Variants in GLI2 observed in about 807,000 individuals in gnomAD.
GLI2 encodes the protein transcription activator GLI2.
In GLI2, 22 loss-of-function variants were observed where a neutral mutation model predicts 78.9. The observed-to-expected ratio is 0.28, with a 90% CI of 0.20 to 0.40. The LOEUF (loss-of-function observed/expected upper bound fraction) is 0.40. Among genes scored for constraint, GLI2 ranks in the 10% least tolerant of loss-of-function variants. The pLI, the probability that GLI2 is intolerant of heterozygous loss-of-function variation, is 1.00. For missense variants in GLI2, 2,097 were observed against 2,213.2 expected (o/e 0.95, Z 1.05); for synonymous variants, 974 against 963.7 (o/e 1.01, Z -0.20).
At chr2:120,826,182 G>A (rs997960356) in intron 2 of GLI2, among the ~76,000 whole-genome samples, 1 of 152,214 alleles carries the variant, frequency 6.6e-6, no homozygotes, top group Non-Finnish European at 1.5e-5. Context: ...AACTTAGCAA[G>A]TTCAGCATGG....
intron 2 of GLI2, among the ~76,000 whole-genome samples, chr2:120,902,848 G>T (rs1678334949): frequency 6.6e-6 from 1 of 152,220 alleles, no homozygotes; most frequent in African/African-American, 2.4e-5. Flanking sequence ...GGCTTCTTTA[G>T]GCTCCCAAGG....
chr2:120,840,230 CCG>C (rs1415776605), intron 2 of GLI2, among the ~76,000 whole-genome samples: 3 of 152,196 alleles, frequency 2.0e-5, no homozygotes, highest in African/African-American at 4.8e-5. Flanking sequence ...ATGCCTTTCC[CCG>C]CTTCTGTCCA....
At chr2:120,840,606 C>T (rs6759203) in intron 2 of GLI2, among the ~76,000 whole-genome samples, 1,682 of 152,282 alleles carry the variant, frequency 0.011, 22 homozygotes, top group African/African-American at 0.038. Flanking sequence ...CACATGGGGA[C>T]TATAAATTTG....
Position 120,951,226 on chromosome 2 carries a change from G to T in GLI2, c.255-17G>T, listed in dbSNP as rs199499256. The T allele has an allele frequency of 3.5e-3, 5,155 of 1,484,436 alleles. 14 individuals carry two copies. Among genetic ancestry groups the T allele is most frequent in the Non-Finnish European group, 4.5e-3 (4,804 of 1,061,874 alleles). The allele number at this position is 1,484,436 out of a possible 1,614,324, so 92.0% of individuals were successfully genotyped here. A position where few individuals can be genotyped will look rare whatever the true frequency, so the allele number is the denominator to read the frequency against. Reference sequence around the variant, plus strand: ...TCTGTGTCCTCCTTCTTAGACGGCTGCCCATTGTCTCTGCAGGCCCCCTGC... The same window carrying T: ...TCTGTGTCCTCCTTCTTAGACGGCTTCCCATTGTCTCTGCAGGCCCCCTGC... On this transcript the variant is annotated splice_polypyrimidine_tract_variant and intron_variant, in intron 3 of 13. Coordinates refer to ENST00000361492, the MANE Select transcript of GLI2 (RefSeq NM_001374353.1).
At chr2:120,741,485 G>A (rs889378253) in intron 1 of GLI2, among the ~76,000 whole-genome samples, 2 of 137,586 alleles carry the variant, frequency 1.5e-5, no homozygotes, top group African/African-American at 5.6e-5. Flanking sequence ...CTCCCTCTCC[G>A]TTCTCTCTCC....
intron 8 of GLI2, among the ~76,000 whole-genome samples, chr2:120,974,117 G>A (rs1411809231): frequency 1.3e-5 from 2 of 152,112 alleles, no homozygotes; most frequent in Non-Finnish European, 2.9e-5. Flanking sequence ...AGCAATCTTG[G>A]TAACATCTGC....
chr2:120,965,945 T>C (rs1681832762), intron 5 of GLI2, among the ~76,000 whole-genome samples: 1 of 152,216 alleles, frequency 6.6e-6, no homozygotes, highest in Non-Finnish European at 1.5e-5. Flanking sequence ...CAGAAGCAAC[T>C]ATGGACCGTC....
At chr2:120,763,563 C>G (rs1683279483) in intron 1 of GLI2, among the ~76,000 whole-genome samples, 1 of 152,226 alleles carries the variant, frequency 6.6e-6, no homozygotes, top group African/African-American at 2.4e-5. Context: ...GGGCTCACTG[C>G]TGTCTGGCCC....
At chr2:120,934,877 T>C (rs1216151228) in intron 3 of GLI2, among the ~76,000 whole-genome samples, 1 of 152,144 alleles carries the variant, frequency 6.6e-6, no homozygotes, top group Non-Finnish European at 1.5e-5. Context: ...CCAAGGTCAG[T>C]GTCCCATAAA....
chr2:120,970,110 G>C (rs1372893625), intron 6 of GLI2, among the ~76,000 whole-genome samples: 26 of 152,174 alleles, frequency 1.7e-4, no homozygotes, highest in Non-Finnish European at 2.9e-4. Context: ...GCAGTGGAGA[G>C]GCCAGGGTGT....
chr2:120,836,927 T>C (rs374116966), intron 2 of GLI2, among the ~76,000 whole-genome samples: 1 of 152,170 alleles, frequency 6.6e-6, no homozygotes, highest in African/African-American at 2.4e-5. Flanking sequence ...TAGACTGGAA[T>C]TTTTTCCAGT....
chr2:120,853,138 A>G (rs982627754), intron 2 of GLI2, among the ~76,000 whole-genome samples: 3 of 152,088 alleles, frequency 2.0e-5, no homozygotes, highest in Non-Finnish European at 4.4e-5. Flanking sequence ...GGTCTTTGGC[A>G]AAGGCTTTCT....
chr2:120,861,410 C>G (rs1437414887), intron 2 of GLI2, among the ~76,000 whole-genome samples: 3 of 152,226 alleles, frequency 2.0e-5, no homozygotes, highest in African/African-American at 2.4e-5. Flanking sequence ...CCTGCTGCCC[C>G]TGTGATTCAG....
intron 3 of GLI2, among the ~76,000 whole-genome samples, chr2:120,931,710 C>T (rs552520247): frequency 7.2e-5 from 11 of 152,290 alleles, no homozygotes; most frequent in African/African-American, 2.4e-4. Flanking sequence ...TAAGCTTCAT[C>T]TTGCAGATGC....
rs1404815951 is a variant in GLI2, at chr2:120,989,524, C to T, written c.3559C>T (p.His1187Tyr). ...TGGGGGCCTGGACAGCACGCAGCCA[C>T]ACCTGCAGCCCCGCAGCGGAGCCCC... is the stretch of plus-strand genomic sequence containing the variant. Reference protein sequence around the residue: ...SPGGLDSTQPHLQPRSGAPSQ... With the variant: ...SPGGLDSTQPYLQPRSGAPSQ... Residue 1187 changes from histidine to tyrosine, a missense_variant, in exon 14 of 14, where the codon CAC becomes TAC. Physicochemically the swap from His to Tyr is moderately conservative, Grantham distance 83 (BLOSUM62 2). Transcript: ENST00000361492. 1.2e-6 allele frequency: 2 copies of T among 1,612,414 alleles called. No homozygotes were observed. The highest frequency in any genetic ancestry group is 1.7e-5 in the Admixed American group (1 of 59,954).
At position 120,982,772 on chromosome 2, in the gene GLI2, G is replaced by T. The variant is rs1251113131; in HGVS notation, c.1524G>T (p.Arg508=). ...SRLENLKTHL[R]SHTGEKPYVC... ...TGGAGAACCTGAAGACACACCTGCG[G>T]TCCCACACCGGGGAGAAGCCATATG... is the stretch of plus-strand genomic sequence containing the variant. Residue 508 remains arginine, a synonymous_variant, in exon 11 of 14, where the codon CGG becomes CGT. Coordinates refer to ENST00000361492, the MANE Select transcript of GLI2 (RefSeq NM_001374353.1). 1.2e-6 allele frequency: 2 copies of T among 1,614,082 alleles called. No homozygotes were observed. The highest frequency in any genetic ancestry group is 3.3e-5 in the Admixed American group (2 of 60,022).
chr2:120,961,345 G>A (rs1175978699), intron 5 of GLI2, among the ~76,000 whole-genome samples: 1 of 152,198 alleles, frequency 6.6e-6, no homozygotes, highest in African/African-American at 2.4e-5. Context: ...AGAGGCCCAA[G>A]TCAGACAGGG....
At chr2:120,896,841 A>G (rs552202509) in intron 2 of GLI2, among the ~76,000 whole-genome samples, 1 of 152,188 alleles carries the variant, frequency 6.6e-6, no homozygotes, top group South Asian at 2.1e-4. Context: ...TCGTTTATTC[A>G]TTTTTACCCT....
intron 1 of GLI2, among the ~76,000 whole-genome samples, chr2:120,744,890 AT>A (rs1324421165): frequency 6.6e-6 from 1 of 152,190 alleles, no homozygotes; most frequent in Non-Finnish European, 1.5e-5. Flanking sequence ...AGGAATCTGC[AT>A]TTTATCCAGG....
Sources: gnomAD v4.1 joint callset for allele counts (sites outside exome capture counted in the v4.1 genomes callset) on GRCh38, gnomAD v4.1.1 for gene constraint, MANE v1.5 for transcripts, NCBI Gene and HGNC (gene_info 2026-07-23, HGNC 2026-07-21) for gene names.